SLC45A3: variants seen among roughly 807,000 people sequenced by gnomAD.
SLC45A3 encodes the protein prostate cancer associated protein 2.
In SLC45A3, 17 loss-of-function variants were observed where a neutral mutation model predicts 35.3. That is an observed-to-expected ratio of 0.48 (90% CI 0.33 to 0.72). The LOEUF (loss-of-function observed/expected upper bound fraction) is 0.72. Among genes scored for constraint, SLC45A3 ranks in the 30% least tolerant of loss-of-function variants. The probability of loss-of-function intolerance (pLI) is 0.02; values close to 1 mark genes in which losing one functional copy is unlikely to be tolerated. For missense variants in SLC45A3, 597 were observed against 731.7 expected (o/e 0.82, Z 2.12); for synonymous variants, 288 against 334.3 (o/e 0.86, Z 1.51).
chr1:205,679,351 G>A (rs1016662876), intron 1 of SLC45A3, among the ~76,000 whole-genome samples: 1 of 152,152 alleles, frequency 6.6e-6, no homozygotes, highest in African/African-American at 2.4e-5. Context: ...AGCTGAGCAG[G>A]TCAAGAGTGT....
chr1:205,663,702 G>A, intron 2 of SLC45A3, 84 bp from the exon 3 acceptor site: 1 of 1,349,856 alleles, frequency 7.4e-7, no homozygotes. Context: ...TGAGAAGGAT[G>A]GAAATAACAT....
At chr1:205,679,557 C>T (rs1671366051) in intron 1 of SLC45A3, among the ~76,000 whole-genome samples, 1 of 152,172 alleles carries the variant, frequency 6.6e-6, no homozygotes. Flanking sequence ...CTAGGTACCA[C>T]CACATCACAC....
At position 205,677,236 on chromosome 1, in the gene SLC45A3, G is replaced by A. The variant is rs544942260; in HGVS notation, c.-231+3158C>T. On this transcript the variant is annotated intron_variant, in intron 1 of 4. Transcript: ENST00000367145. ...GTCACACAGTAGCAGAGTAGTAGAG[G>A]AGAGACACGGACATCCAGTCCTGCT... Among the ~76,000 whole-genome samples the A allele has an allele frequency of 8.5e-5, 13 of 152,312 alleles. No individual in the cohort carries two copies. In the South Asian group the frequency reaches 2.1e-3, roughly 24 times the overall value.
In SLC45A3 at chr1:205,662,290, C is replaced by A; in HGVS notation, c.959-164G>T. On this transcript the variant is annotated intron_variant, in intron 3 of 4. Coordinates refer to ENST00000367145, the MANE Select transcript of SLC45A3 (RefSeq NM_033102.3). This position sits in a 1 kb window ranked among gnomAD's most constrained non-coding sequence, Gnocchi z 6.2. ...CCTTTCTACCTCTAGCAATGGGAGT[C>A]TAGGTTCTTCCACTGACCCTCAGAG... The A allele has an allele frequency of 7.0e-7, 1 of 1,429,814 alleles. No individual in the cohort carries two copies. The highest frequency in any genetic ancestry group is 2.5e-5 in the East Asian group (1 of 39,706). The allele number at this position is 1,429,814 out of a possible 1,614,324, so 88.6% of individuals were successfully genotyped here. A position where few individuals can be genotyped will look rare whatever the true frequency, so the allele number is the denominator to read the frequency against.
chr1:205,669,715 C>G lies in SLC45A3; in HGVS notation c.-230-4829G>C, dbSNP rs1671177730. ...CTCACAAAGACGCTCTGCTTTCTCCCAGGCTCCTCAGAAGCGGCTCCTCTC... is the reference window on the plus strand; with the variant it reads ...CTCACAAAGACGCTCTGCTTTCTCCGAGGCTCCTCAGAAGCGGCTCCTCTC... On this transcript the variant is annotated intron_variant, in intron 1 of 4. Coordinates refer to ENST00000367145, the MANE Select transcript of SLC45A3 (RefSeq NM_033102.3). This position sits in a 1 kb window ranked among gnomAD's most constrained non-coding sequence, Gnocchi z 4.1. Among the ~76,000 whole-genome samples the G allele has an allele frequency of 6.6e-6, 1 of 152,194 alleles. No individual in the cohort carries two copies. Among genetic ancestry groups the G allele is most frequent in the Admixed American group, 6.5e-5 (1 of 15,286 alleles).
chr1:205,664,810 G>A lies in SLC45A3; in HGVS notation c.-154C>T, dbSNP rs946233841. The A allele has an allele frequency of 9.8e-6, 14 of 1,434,926 alleles. No homozygotes were observed. Among genetic ancestry groups the A allele is most frequent in the Middle Eastern group, 2.6e-4 (1 of 3,916 alleles). 88.9% of individuals were successfully genotyped at this position (1,434,926 alleles called of 1,614,324 possible). On this transcript the variant is annotated 5_prime_UTR_variant, in exon 2 of 5. Coordinates refer to ENST00000367145, the MANE Select transcript of SLC45A3 (RefSeq NM_033102.3). The surrounding 1 kb of genome is among the most constrained non-coding windows in gnomAD (Gnocchi z 5.3). ...CCATTTCTGCCAGCCCTTTGGTGCC[G>A]GTCCAGCTTCTCAGCCCATGCTCAA...
rs60929190 is a variant in SLC45A3 at position 205,669,085 on chromosome 1, G to C, written c.-230-4199C>G. On this transcript the variant is annotated intron_variant, in intron 1 of 4. Transcript: ENST00000367145. This position sits in a 1 kb window ranked among gnomAD's most constrained non-coding sequence, Gnocchi z 4.1. The stretch of plus-strand genomic sequence containing the variant: ...TTACCTAATGAATGAATGGCTAAGA[G>C]CAAGGGGTGGCAGTAGAAGCAAGGG... 0.019 allele frequency among the ~76,000 whole-genome samples: 2,927 copies of C among 152,244 alleles called. 90 individuals are homozygous for C. The highest frequency in any genetic ancestry group is 0.067 in the African/African-American group (2,765 of 41,530).
At position 205,662,514 on chromosome 1, in the gene SLC45A3, C is replaced by T. The variant is rs1165176151; in HGVS notation, c.958+319G>A. 1.1e-5 allele frequency: 14 copies of T among 1,285,180 alleles called. No individual in the cohort carries two copies. Among genetic ancestry groups the T allele is most frequent in the Admixed American group, 3.8e-5 (1 of 26,638 alleles). 79.6% of individuals were successfully genotyped at this position (1,285,180 alleles called of 1,614,324 possible). A position where few individuals can be genotyped will look rare whatever the true frequency, so the allele number is the denominator to read the frequency against. ...CGTTGGGGGAGCAGAGGGCACACTGCGGCTGGAACCAGGCAGATCTGAAAT... is the reference window on the plus strand; with the variant it reads ...CGTTGGGGGAGCAGAGGGCACACTGTGGCTGGAACCAGGCAGATCTGAAAT... On this transcript the variant is annotated intron_variant, in intron 3 of 4. Coordinates refer to ENST00000367145, the MANE Select transcript of SLC45A3 (RefSeq NM_033102.3). The surrounding 1 kb of genome is among the most constrained non-coding windows in gnomAD (Gnocchi z 6.2).
Position 205,659,494 on chromosome 1 carries a change from C to T in SLC45A3, c.1402G>A (p.Val468Ile). The change falls in exon 5 of 5, where the codon GTC becomes ATC. Residue 468 changes from valine to isoleucine, a missense_variant. By Grantham distance (29) the Val-to-Ile change is conservative (BLOSUM62 3). This residue lies in a region of SLC45A3 where 555 missense variants were observed against 664.9 expected (regional missense o/e 0.83). Coordinates refer to ENST00000367145, the MANE Select transcript of SLC45A3 (RefSeq NM_033102.3). This position sits in a 1 kb window ranked among gnomAD's most constrained non-coding sequence, Gnocchi z 5.8. ...PALCGASACDVSVRVVVGEPT... is the reference protein window; with the variant it reads ...PALCGASACDISVRVVVGEPT... The stretch of plus-strand genomic sequence containing the variant: ...TCACCCACCACCACACGTACGGAGA[C>T]ATCACAGGCAGAGGCCCCGCAGAGC... The T allele has an allele frequency of 1.9e-6, 3 of 1,613,662 alleles. No homozygotes were observed. The highest frequency in any genetic ancestry group is 2.5e-6 in the Non-Finnish European group (3 of 1,179,754).
chr1:205,659,713 G>T lies in SLC45A3; in HGVS notation c.1225-42C>A. ...AAGAAAAGGGGAAGAGGACAGGTGT[G>T]TACCCAGCACTGGCACCACCCCAGC... On this transcript the variant is annotated intron_variant, in intron 4 of 4. Transcript: ENST00000367145. This position sits in a 1 kb window ranked among gnomAD's most constrained non-coding sequence, Gnocchi z 5.8. 6.7e-7 allele frequency: 1 copy of T among 1,502,290 alleles called. No homozygotes were observed. The highest frequency in any genetic ancestry group is 8.9e-7 in the Non-Finnish European group (1 of 1,124,664). The allele number at this position is 1,502,290 out of a possible 1,614,324, so 93.1% of individuals were successfully genotyped here. A position where few individuals can be genotyped will look rare whatever the true frequency, so the allele number is the denominator to read the frequency against.
In SLC45A3 at chr1:205,661,913, G is replaced by A. The variant is rs2102402820; in HGVS notation, c.1172C>T (p.Ala391Val). ...CAGTGTGTAGGGCAGGATCTGCAGG[G>A]CTGAGAAGGTGAACCCGGTGAGGGC... ...SAALTGFTFS[A>V]LQILPYTLAS... The change falls in exon 4 of 5, where the codon GCC (alanine) becomes GTC (valine). Residue 391 changes from alanine to valine, a missense_variant. Around this residue, in one of 3 missense-constraint regions of SLC45A3, gnomAD observed 555 missense variants for 664.9 expected, o/e 0.83. Coordinates refer to ENST00000367145, the MANE Select transcript of SLC45A3 (RefSeq NM_033102.3). 1.2e-6 allele frequency: 2 copies of A among 1,614,182 alleles called. No individual in the cohort carries two copies. The highest frequency in any genetic ancestry group is 1.3e-5 in the African/African-American group (1 of 75,058).
Position 205,659,595 on chromosome 1 carries a change from C to A in SLC45A3, c.1301G>T (p.Gly434Val). 1 of 1,568,330 alleles carries A rather than the reference C, an allele frequency of 6.4e-7. No individual in the cohort carries two copies. The highest frequency in any genetic ancestry group is 1.9e-5 in the Admixed American group (1 of 53,300). Residue 434 changes from glycine (G) to valine (V), a missense_variant, in exon 5 of 5, where the codon GGC becomes GTC. Physicochemically the swap from Gly to Val is moderately radical, Grantham distance 109. Coordinates refer to ENST00000367145, the MANE Select transcript of SLC45A3 (RefSeq NM_033102.3). This position sits in a 1 kb window ranked among gnomAD's most constrained non-coding sequence, Gnocchi z 5.8. ...AGGGAAGGGAGCTCCAGGCTTAGGG[C>A]CTGGCAGGAAGCTGGTCATCAGGCT... ...EDSLMTSFLPGPKPGAPFPNG... is the reference protein window; with the variant it reads ...EDSLMTSFLPVPKPGAPFPNG...
At chr1:205,676,587 G>A (rs1299659041) in intron 1 of SLC45A3, among the ~76,000 whole-genome samples, 1 of 152,168 alleles carries the variant, frequency 6.6e-6, no homozygotes, top group Non-Finnish European at 1.5e-5. Context: ...ATGAAGTCAA[G>A]GCCAACAGGG....
Position 205,664,359 on chromosome 1 carries a change from G to A in SLC45A3, c.172+126C>T. ...CCCCTCAGCCCAGGGTCACCCTCCT[G>A]CCCAGCAATGCCTTCCCAGCAGACC... is the stretch of plus-strand genomic sequence containing the variant. On this transcript the variant is annotated intron_variant, in intron 2 of 4. Coordinates refer to ENST00000367145, the MANE Select transcript of SLC45A3 (RefSeq NM_033102.3). The surrounding 1 kb of genome is among the most constrained non-coding windows in gnomAD (Gnocchi z 5.3). The A allele has an allele frequency of 1.5e-6, 2 of 1,290,672 alleles. No homozygotes were observed. Among genetic ancestry groups the A allele is most frequent in the Non-Finnish European group, 2.2e-6 (2 of 919,550 alleles). The allele number at this position is 1,290,672 out of a possible 1,614,324, so 80.0% of individuals were successfully genotyped here.
chr1:205,664,576 G>A lies in SLC45A3; in HGVS notation c.81C>T (p.Gly27=). 2 of 1,614,230 alleles carry A rather than the reference G, an allele frequency of 1.2e-6. No homozygotes were observed. Among genetic ancestry groups the A allele is most frequent in the Middle Eastern group, 1.7e-4 (1 of 6,060 alleles). ...TGCCTGCGGCCAAACACACCTCCAG[G>A]CCAAAGGTTAGCAGGTTGACCAGCA... ...QLLLVNLLTF[G]LEVCLAAGIT... is the part of the protein sequence containing the mutation. Residue 27 remains glycine (G), a synonymous_variant, in exon 2 of 5, where the codon GGC becomes GGT. Transcript: ENST00000367145. The surrounding 1 kb of genome is among the most constrained non-coding windows in gnomAD (Gnocchi z 5.3).
intron 1 of SLC45A3, among the ~76,000 whole-genome samples, chr1:205,668,328 C>T (rs956861109): frequency 2.0e-5 from 3 of 152,182 alleles, no homozygotes; most frequent in East Asian, 1.9e-4. Flanking sequence ...GCTCCAGGGC[C>T]GCCTTCCCTG....
intron 1 of SLC45A3, among the ~76,000 whole-genome samples, chr1:205,670,837 C>T (rs576113753): frequency 2.0e-5 from 3 of 152,332 alleles, no homozygotes; most frequent in Admixed American, 6.5e-5. Context: ...CTCCTGAGCC[C>T]GTCACTTCGG....
At chr1:205,679,654 G>A (rs906138436) in intron 1 of SLC45A3, among the ~76,000 whole-genome samples, 1 of 149,098 alleles carries the variant, frequency 6.7e-6, no homozygotes, top group Non-Finnish European at 1.5e-5. Flanking sequence ...CCCCACAGAG[G>A]GGGAAACTGA....
chr1:205,662,710 TC>T lies in SLC45A3; in HGVS notation c.958+122del. On this transcript the variant is annotated intron_variant, in intron 3 of 4. Transcript: ENST00000367145. The surrounding 1 kb of genome is among the most constrained non-coding windows in gnomAD (Gnocchi z 6.2). ...AAGCCGTGTATGCAGATGGGGTCCATCCCCACTTTCCTGACAGAGAAGTCGG... is the reference window on the plus strand; with the variant it reads ...AAGCCGTGTATGCAGATGGGGTCCATCCCACTTTCCTGACAGAGAAGTCGG... 1 of 1,470,384 alleles carries T rather than the reference TC, an allele frequency of 6.8e-7. No individual in the cohort carries two copies. The highest frequency in any genetic ancestry group is 8.9e-7 in the Non-Finnish European group (1 of 1,117,556). 91.1% of individuals were successfully genotyped at this position (1,470,384 alleles called of 1,614,324 possible). A position where few individuals can be genotyped will look rare whatever the true frequency, so the allele number is the denominator to read the frequency against.
Sources: allele counts gnomAD v4.1 joint callset (sites outside exome capture counted in the v4.1 genomes callset), GRCh38; gene constraint gnomAD v4.1.1; regional missense constraint gnomAD v4.1.1; non-coding constraint Gnocchi (gnomAD v3.1); transcripts MANE v1.5; gene names NCBI Gene and HGNC (gene_info 2026-07-23, HGNC 2026-07-21).